TBX4: variants seen among roughly 807,000 people sequenced by gnomAD.
TBX4 encodes T-box transcription factor 4, also known as T-box transcription factor TBX4.
A neutral mutation model predicts 54.6 loss-of-function variants in TBX4; 13 were observed. That is an observed-to-expected ratio of 0.24 (90% CI 0.15 to 0.38). The LOEUF is 0.38. Among genes scored for constraint, TBX4 ranks in the 10% least tolerant of loss-of-function variants. TBX4 has a pLI of 1.00. For synonymous variants in TBX4, 314 were observed against 306.7 expected (o/e 1.02, Z -0.25); for missense variants, 631 against 728.5 (o/e 0.87, Z 1.54).
At position 61,465,889 on chromosome 17, in the gene TBX4, G is replaced by C; in HGVS notation, c.352G>C (p.Asp118His). 1 of 1,614,146 alleles carries C rather than the reference G, an allele frequency of 6.2e-7. No individual in the cohort carries two copies. The highest frequency in any genetic ancestry group is 8.5e-7 in the Non-Finnish European group (1 of 1,180,024). ...CAAGACCAAGTATATCCTGCTGATTGACATTGTCCCTGCCGATGACCATCG... is the reference window on the plus strand; with the variant it reads ...CAAGACCAAGTATATCCTGCTGATTCACATTGTCCCTGCCGATGACCATCG... ...NPKTKYILLI[D>H]IVPADDHRYK... The change falls in exon 4 of 9, where the codon GAC becomes CAC. Residue 118 changes from aspartate to histidine, a missense_variant. This residue lies in a region of TBX4 where 154 missense variants were observed against 238.6 expected (regional missense o/e 0.65). Transcript: ENST00000644296. This position sits in a 1 kb window ranked among gnomAD's most constrained non-coding sequence, Gnocchi z 4.9.
Position 61,465,696 on chromosome 17 carries a change from A to G in TBX4, c.282-123A>G. On this transcript the variant is annotated intron_variant, in intron 3 of 8. Transcript: ENST00000644296. The surrounding 1 kb of genome is among the most constrained non-coding windows in gnomAD (Gnocchi z 4.9). ...TTGTGCAGGTCACACAGCTGTGACCAATGCCAGGATCGCTGGCCAAAAGGG... is the reference window on the plus strand; with the variant it reads ...TTGTGCAGGTCACACAGCTGTGACCGATGCCAGGATCGCTGGCCAAAAGGG... The G allele has an allele frequency of 7.7e-7, 1 of 1,305,860 alleles. No individual in the cohort carries two copies. Among genetic ancestry groups the G allele is most frequent in the Non-Finnish European group, 1.1e-6 (1 of 914,892 alleles). The allele number at this position is 1,305,860 out of a possible 1,614,324, so 80.9% of individuals were successfully genotyped here.
chr17:61,480,361 G>T lies in TBX4; in HGVS notation c.1021+42G>T. The T allele has an allele frequency of 6.4e-7, 1 of 1,550,922 alleles. No individual in the cohort carries two copies. Among genetic ancestry groups the T allele is most frequent in the South Asian group, 1.1e-5 (1 of 87,262 alleles). On this transcript the variant is annotated intron_variant, in intron 8 of 8. Transcript: ENST00000644296. The surrounding 1 kb of genome is among the most constrained non-coding windows in gnomAD (Gnocchi z 6.2). ...CTAGAAGCCCTAGAGGGTAAGAGGAGCGGTGAGGTTCTCCCCGAAACCACT... is the reference window on the plus strand; with the variant it reads ...CTAGAAGCCCTAGAGGGTAAGAGGATCGGTGAGGTTCTCCCCGAAACCACT...
At chr17:61,470,062 C>T (rs573885309) in intron 5 of TBX4, among the ~76,000 whole-genome samples, 1 of 146,722 alleles carries the variant, frequency 6.8e-6, no homozygotes, top group African/African-American at 2.7e-5. Context: ...GCAGCCCTCA[C>T]CCCCAACTCC....
At chr17:61,471,119 C>T (rs932292512) in intron 5 of TBX4, among the ~76,000 whole-genome samples, 2 of 152,236 alleles carry the variant, frequency 1.3e-5, no homozygotes, top group African/African-American at 2.4e-5. Context: ...CAAAGTAGCA[C>T]GCATTAGTCC....
rs1452276151 is a variant in TBX4 at position 61,479,493 on chromosome 17, CG to C, written c.703-385del. ...GTTGCACAGACTCAGGCAGCAGGCC[CG>C]GGATGCTCACTGGGAAGATGTTACA... On this transcript the variant is annotated intron_variant, in intron 6 of 8. Transcript: ENST00000644296. This position sits in a 1 kb window ranked among gnomAD's most constrained non-coding sequence, Gnocchi z 6.1. Among the ~76,000 whole-genome samples the C allele has an allele frequency of 6.6e-6, 1 of 152,158 alleles. No homozygotes were observed. Among genetic ancestry groups the C allele is most frequent in the Non-Finnish European group, 1.5e-5 (1 of 68,024 alleles).
intron 1 of TBX4, among the ~76,000 whole-genome samples, chr17:61,453,898 G>T (rs979411761): frequency 6.6e-6 from 1 of 152,204 alleles, no homozygotes; most frequent in African/African-American, 2.4e-5. Context: ...AGAAGTTATT[G>T]AAACAGCGTG....
rs2060646842 is a variant in TBX4 at position 61,479,399 on chromosome 17, G to T, written c.703-482G>T. ...GTCACTGGGGAAGGGCCGTGGCTGT[G>T]GTGGATTTTAGGCAGAAGAGTGACA... On this transcript the variant is annotated intron_variant, in intron 6 of 8. Coordinates refer to ENST00000644296, the MANE Select transcript of TBX4 (RefSeq NM_001321120.2). The surrounding 1 kb of genome is among the most constrained non-coding windows in gnomAD (Gnocchi z 6.1). Among the ~76,000 whole-genome samples the T allele has an allele frequency of 6.6e-6, 1 of 152,218 alleles. No individual in the cohort carries two copies. Among genetic ancestry groups the T allele is most frequent in the Non-Finnish European group, 1.5e-5 (1 of 68,034 alleles).
intron 5 of TBX4, 93 bp downstream of exon 5, chr17:61,467,750 G>A (rs1052590224): frequency 6.1e-5 from 93 of 1,519,436 alleles, no homozygotes; most frequent in African/African-American, 5.9e-4. Flanking sequence ...AATCCACTCC[G>A]GGATCCAGCT....
chr17:61,463,984 G>A (rs921632076), intron 3 of TBX4, among the ~76,000 whole-genome samples: 3 of 152,224 alleles, frequency 2.0e-5, no homozygotes, highest in Non-Finnish European at 4.4e-5. Flanking sequence ...CCCATAGGGG[G>A]GCTGGTAAGC....
rs2060678846 is a variant in TBX4 at position 61,483,287 on chromosome 17, A to ACTT, written c.1413_1415dup (p.Phe472dup). 2 of 1,613,740 alleles carry ACTT rather than the reference A, an allele frequency of 1.2e-6. No individual in the cohort carries two copies. The highest frequency in any genetic ancestry group is 1.7e-6 in the Non-Finnish European group (2 of 1,179,856). ...AGCTCCCAGCCACCAGGAAATGCCC[A>ACTT]CTTTAGTGTCTACAATCAGCTCTCC... On this transcript the variant is annotated inframe_insertion, in exon 9 of 9. Transcript: ENST00000644296. The surrounding 1 kb of genome is among the most constrained non-coding windows in gnomAD (Gnocchi z 6.6).
intron 1 of TBX4, among the ~76,000 whole-genome samples, chr17:61,453,515 G>T (rs2060427659): frequency 1.3e-5 from 2 of 152,126 alleles, no homozygotes; most frequent in Non-Finnish European, 2.9e-5. Context: ...AGAATTGCTG[G>T]AGTAATATGA....
intron 5 of TBX4, among the ~76,000 whole-genome samples, chr17:61,471,251 C>T (rs1029009763): frequency 6.6e-6 from 1 of 152,224 alleles, no homozygotes; most frequent in South Asian, 2.1e-4. Context: ...TCCTGAGCTG[C>T]GAGATCCAAG....
rs554792265 is a variant in TBX4 at position 61,471,658 on chromosome 17, A to C, written c.549+4001A>C. Among the ~76,000 whole-genome samples the C allele has an allele frequency of 2.3e-4, 35 of 151,852 alleles. No homozygotes were observed. The South Asian group carries it at 6.7e-3, about 29-fold the overall frequency. ...TTGCATTTGCTCTGTAAACTTAATA[A>C]TATCTCTTGGAGAATAGTCTATTCA... is the stretch of plus-strand genomic sequence containing the variant. On this transcript the variant is annotated intron_variant, in intron 5 of 8. Coordinates refer to ENST00000644296, the MANE Select transcript of TBX4 (RefSeq NM_001321120.2).
In TBX4 at chr17:61,465,579, C is replaced by T. The variant is rs907130183; in HGVS notation, c.282-240C>T. ...GAATTTGGGAAATGGTGTAAACTCT[C>T]CTCCTAGACACAGACTGATAGCTGC... On this transcript the variant is annotated intron_variant, in intron 3 of 8. Coordinates refer to ENST00000644296, the MANE Select transcript of TBX4 (RefSeq NM_001321120.2). This position sits in a 1 kb window ranked among gnomAD's most constrained non-coding sequence, Gnocchi z 4.9. Among the ~76,000 whole-genome samples, 1 of 152,212 alleles carries T rather than the reference C, an allele frequency of 6.6e-6. No homozygotes were observed. The highest frequency in any genetic ancestry group is 6.5e-5 in the Admixed American group (1 of 15,290).
At chr17:61,470,791 C>T (rs748982114) in intron 5 of TBX4, among the ~76,000 whole-genome samples, 4 of 152,222 alleles carry the variant, frequency 2.6e-5, no homozygotes, top group Admixed American at 6.5e-5. Flanking sequence ...CTGCCTGCCA[C>T]TACCTCCCAC....
At chr17:61,453,660 TAAC>T (rs1264661791) in intron 1 of TBX4, among the ~76,000 whole-genome samples, 1 of 152,184 alleles carries the variant, frequency 6.6e-6, no homozygotes, top group African/African-American at 2.4e-5. Context: ...TATGACAAAA[TAAC>T]AAGAAGTAAT....
At chr17:61,455,878 C>G (rs369760102) in intron 1 of TBX4, among the ~76,000 whole-genome samples, 11 of 152,084 alleles carry the variant, frequency 7.2e-5, no homozygotes, top group Admixed American at 7.2e-4. Flanking sequence ...TGTGTGTGGA[C>G]GGGGAGTGTG....
rs756508374 is a variant in TBX4 at position 61,457,751 on chromosome 17, C to A, written c.281+120C>A. The A allele has an allele frequency of 1.2e-4, 114 of 933,166 alleles. No individual in the cohort carries two copies. The highest frequency in any genetic ancestry group is 9.3e-4 in the Middle Eastern group (3 of 3,232). 57.8% of individuals were successfully genotyped at this position (933,166 alleles called of 1,614,324 possible). A position where few individuals can be genotyped will look rare whatever the true frequency, so the allele number is the denominator to read the frequency against. On this transcript the variant is annotated intron_variant, in intron 3 of 8. Coordinates refer to ENST00000644296, the MANE Select transcript of TBX4 (RefSeq NM_001321120.2). The surrounding 1 kb of genome is among the most constrained non-coding windows in gnomAD (Gnocchi z 8.2). ...CCTGTGGGAGGCCTCTCTGCCTCCT[C>A]GGGCGTCAGTGCCACCTCCCTTCGC...
rs181528461 is a variant in TBX4, at chr17:61,465,047, A to G, written c.282-772A>G. Among the ~76,000 whole-genome samples, 1 of 152,324 alleles carries G rather than the reference A, an allele frequency of 6.6e-6. No individual in the cohort carries two copies. Among genetic ancestry groups the G allele is most frequent in the African/African-American group, 2.4e-5 (1 of 41,562 alleles). On this transcript the variant is annotated intron_variant, in intron 3 of 8. Coordinates refer to ENST00000644296, the MANE Select transcript of TBX4 (RefSeq NM_001321120.2). The surrounding 1 kb of genome is among the most constrained non-coding windows in gnomAD (Gnocchi z 4.9). ...TTTAGAGATAAGGAAACCAAGGCAC[A>G]GAGAGGTTCAAGCAAGTTGCCTAAG...
Sources: allele counts gnomAD v4.1 joint callset (sites outside exome capture counted in the v4.1 genomes callset), GRCh38; gene constraint gnomAD v4.1.1; regional missense constraint gnomAD v4.1.1; non-coding constraint Gnocchi (gnomAD v3.1); transcripts MANE v1.5; gene names NCBI Gene and HGNC (gene_info 2026-07-23, HGNC 2026-07-21).